Variants in XDH observed in about 807,000 individuals in gnomAD.
The protein encoded by XDH is xanthine dehydrogenase/oxidase.
XDH carries 138 observed loss-of-function variants against 156.1 expected under a neutral mutation model. The ratio of observed to expected loss-of-function variants is 0.88; its 90% CI spans 0.77 to 1.02. The LOEUF (loss-of-function observed/expected upper bound fraction) is 1.02, where lower values mean the gene tolerates loss of function less well. Among genes scored for constraint, XDH ranks in the 50% least tolerant of loss-of-function variants. The probability of loss-of-function intolerance (pLI) is 0.00; values close to 1 mark genes in which losing one functional copy is unlikely to be tolerated. For missense variants in XDH, 1,849 were observed against 1,684.9 expected, an observed-to-expected ratio of 1.10 and a Z score of -1.71; for synonymous variants, 669 against 625.7, an observed-to-expected ratio of 1.07 and a Z score of -1.03.
chr2:31,405,840 G>GT, intron 2 of XDH, 67 bp downstream of exon 2: 1 of 1,581,832 alleles, frequency 6.3e-7, no homozygotes, highest in Non-Finnish European at 8.7e-7. Context: ...AGGAAACAAT[G>GT]TAAGGCCTAC....
rs538961836 is a variant in XDH at position 31,414,172 on chromosome 2, G to A, written c.42+453C>T. ...ATAATATATTAGAATCAAAGGCTGC[G>A]TACATCTTATATCCTGATAAAAGCA... On this transcript the variant is annotated intron_variant, in intron 1 of 35. Transcript: ENST00000379416. Among the ~76,000 whole-genome samples the A allele has an allele frequency of 9.9e-5, 15 of 152,120 alleles. No homozygotes were observed. The South Asian group carries it at 1.9e-3, about 19-fold the overall frequency.
At chr2:31,349,316 T>A (rs1247757665) in intron 26 of XDH, among the ~76,000 whole-genome samples, 1 of 152,196 alleles carries the variant, frequency 6.6e-6, no homozygotes, top group African/African-American at 2.4e-5. Flanking sequence ...TGCCCACTTT[T>A]CACATGATGA....
At chr2:31,391,173 AT>A (rs576658315) in intron 6 of XDH, among the ~76,000 whole-genome samples, 10 of 151,032 alleles carry the variant, frequency 6.6e-5, no homozygotes, top group Non-Finnish European at 8.9e-5. Flanking sequence ...GTTTAGATTC[AT>A]TTTTTTTTGT....
Position 31,350,046 on chromosome 2 carries a change from T to A in XDH, c.2809A>T (p.Met937Leu). ...TCTCAGCTTACCTCCTCTGCAGGCA[T>A]CCCACAGGTCACTGCAACTTCACTC... Reference protein sequence around the residue: ...WMSEVAVTCGMPAEEVRRKNL... With the variant: ...WMSEVAVTCGLPAEEVRRKNL... Residue 937 changes from methionine to leucine, a missense_variant, in exon 25 of 36, where the codon ATG becomes TTG. Met to Leu is a conservative substitution (Grantham distance 15, BLOSUM62 2). Coordinates refer to ENST00000379416, the MANE Select transcript of XDH (RefSeq NM_000379.4). The A allele has an allele frequency of 6.2e-7, 1 of 1,614,106 alleles. No individual in the cohort carries two copies. Among genetic ancestry groups the A allele is most frequent in the Non-Finnish European group, 8.5e-7 (1 of 1,180,036 alleles).
chr2:31,372,413 C>G lies in XDH; in HGVS notation c.1687-16G>C, dbSNP rs763202140. On this transcript the variant is annotated splice_polypyrimidine_tract_variant and intron_variant, in intron 16 of 35. Coordinates refer to ENST00000379416, the MANE Select transcript of XDH (RefSeq NM_000379.4). ...TGGGCACCTCCTGGAATGACAGGGT[C>G]ATCAATCAGGGTGAGCTGCCAAGGA... 3 of 1,613,850 alleles carry G rather than the reference C, an allele frequency of 1.9e-6. No individual in the cohort carries two copies. The highest frequency in any genetic ancestry group is 2.5e-6 in the Non-Finnish European group (3 of 1,180,022).
At chr2:31,384,000 C>T (rs1686513782) in intron 9 of XDH, 153 bp from the exon 10 acceptor site, 2 of 742,226 alleles carry the variant, frequency 2.7e-6, no homozygotes, top group East Asian at 2.7e-5. Context: ...GAATAGGAAA[C>T]TCAGTAGACC....
Position 31,339,478 on chromosome 2 carries a change from A to AG in XDH, c.3774+10dup. Reference sequence around the variant, plus strand: ...ATCAGAAGAGACAGCACAGAGCCAGAGCAATGGTACCTTCGATGCATAGAT... The same window carrying AG: ...ATCAGAAGAGACAGCACAGAGCCAGAGGCAATGGTACCTTCGATGCATAGAT... On this transcript the variant is annotated intron_variant, in intron 34 of 35. Transcript: ENST00000379416. 6.2e-7 allele frequency: 1 copy of AG among 1,613,788 alleles called. No individual in the cohort carries two copies. The highest frequency in any genetic ancestry group is 8.5e-7 in the Non-Finnish European group (1 of 1,180,028).
At position 31,387,872 on chromosome 2, in the gene XDH, T is replaced by G. The variant is rs772456813; in HGVS notation, c.590A>C (p.Lys197Thr). 4 of 1,587,014 alleles carry G rather than the reference T, an allele frequency of 2.5e-6. No homozygotes were observed. In the Admixed American group the frequency reaches 5.5e-5, roughly 22 times the overall value. The change falls in exon 8 of 36, where the codon AAA (lysine) becomes ACA (threonine). Residue 197 changes from lysine to threonine, a missense_variant. Coordinates refer to ENST00000379416, the MANE Select transcript of XDH (RefSeq NM_000379.4). The stretch of plus-strand genomic sequence containing the variant: ...ATCCAGGGGCGTGAACTCCTCTGGT[T>G]TGAATAAAGATGGCGAGAGGCTGAC... Reference protein sequence around the residue: ...HSVSLSPSLFKPEEFTPLDPT... With the variant: ...HSVSLSPSLFTPEEFTPLDPT...
At chr2:31,378,298 T>C (rs1686332801) in intron 13 of XDH, among the ~76,000 whole-genome samples, 1 of 152,144 alleles carries the variant, frequency 6.6e-6, no homozygotes, top group Non-Finnish European at 1.5e-5. Context: ...GCCAGGATCT[T>C]TCTTTAAGGA....
At chr2:31,396,181 C>G (rs1339239263) in intron 6 of XDH, among the ~76,000 whole-genome samples, 1 of 152,234 alleles carries the variant, frequency 6.6e-6, no homozygotes, top group Non-Finnish European at 1.5e-5. Context: ...AGCTCTCAGT[C>G]TTGCTCTGCT....
intron 9 of XDH, 114 bp from the exon 10 acceptor site, chr2:31,383,961 T>C (rs1686512700): frequency 3.2e-6 from 3 of 935,602 alleles, no homozygotes; most frequent in Non-Finnish European, 5.0e-6. Context: ...ACAATCATAA[T>C]ATGCTCTCTG....
chr2:31,345,118 C>T lies in XDH; in HGVS notation c.3352-382G>A, dbSNP rs751363980. Among the ~76,000 whole-genome samples the T allele has an allele frequency of 7.9e-5, 12 of 152,298 alleles. 1 individual carries two copies. The South Asian group carries it at 1.9e-3, about 24-fold the overall frequency. ...AGTCTCTCTGGCATTTTGCAGCACA[C>T]GAGGGCCACCCCAGCCACACTCAAG... On this transcript the variant is annotated intron_variant, in intron 30 of 35. Coordinates refer to ENST00000379416, the MANE Select transcript of XDH (RefSeq NM_000379.4).
At chr2:31,411,653 A>G (rs934063587) in intron 1 of XDH, among the ~76,000 whole-genome samples, 35 of 152,204 alleles carry the variant, frequency 2.3e-4, no homozygotes. Context: ...TCAAAGTTTT[A>G]AAAATTCATC....
At chr2:31,410,166 G>A (rs1340025572) in intron 1 of XDH, among the ~76,000 whole-genome samples, 2 of 152,202 alleles carry the variant, frequency 1.3e-5, no homozygotes, top group Non-Finnish European at 2.9e-5. Context: ...AAGTGAGGTA[G>A]TTTAGTCAAA....
intron 16 of XDH, among the ~76,000 whole-genome samples, chr2:31,372,898 G>A (rs182213910): frequency 4.0e-5 from 6 of 151,860 alleles, no homozygotes; most frequent in African/African-American, 9.7e-5. Context: ...ATTTGCTCTC[G>A]GAGGTGGAAT....
At chr2:31,378,055 G>GAAAGAAAGAAAGA (rs1686298042) in intron 13 of XDH, among the ~76,000 whole-genome samples, 12 of 65,528 alleles carry the variant, frequency 1.8e-4, no homozygotes, top group African/African-American at 7.3e-4. Flanking sequence ...AGAAAGAAAG[G>GAAAGAAAGAAAGA]AAGAAAGAAA....
rs565519173 is a variant in XDH, at chr2:31,378,652, C to T, written c.1242+1215G>A. On this transcript the variant is annotated intron_variant, in intron 13 of 35. Transcript: ENST00000379416. ...CCAGGTGCTCACTCCCAGGACTGTGCCCATCCACGGGGACATTCTCGCTGG... is the reference window on the plus strand; with the variant it reads ...CCAGGTGCTCACTCCCAGGACTGTGTCCATCCACGGGGACATTCTCGCTGG... 4.0e-5 allele frequency among the ~76,000 whole-genome samples: 6 copies of T among 149,708 alleles called. No individual in the cohort carries two copies. In the South Asian group the frequency reaches 1.3e-3, roughly 32 times the overall value.
chr2:31,351,257 T>G (rs767555093), intron 24 of XDH, among the ~76,000 whole-genome samples: 4 of 152,170 alleles, frequency 2.6e-5, no homozygotes, highest in Non-Finnish European at 5.9e-5. Context: ...CTTGATAATA[T>G]TTTTTTCACC....
At position 31,386,273 on chromosome 2, in the gene XDH, C is replaced by T. The variant is rs567538520; in HGVS notation, c.793+141G>A. 3 of 1,164,724 alleles carry T rather than the reference C, an allele frequency of 2.6e-6. No homozygotes were observed. In the East Asian group the frequency reaches 7.6e-5, roughly 30 times the overall value. The allele number at this position is 1,164,724 out of a possible 1,614,324, so 72.1% of individuals were successfully genotyped here. A position where few individuals can be genotyped will look rare whatever the true frequency, so the allele number is the denominator to read the frequency against. ...AGGAACTGGAGTGTCCAGGGATTTC[C>T]AGTGGGCTCCAGGTAGTCAGTGGGG... On this transcript the variant is annotated intron_variant, in intron 9 of 35. Coordinates refer to ENST00000379416, the MANE Select transcript of XDH (RefSeq NM_000379.4).
Sources: gnomAD v4.1 joint callset for allele counts (sites outside exome capture counted in the v4.1 genomes callset) on GRCh38, gnomAD v4.1.1 for gene constraint, MANE v1.5 for transcripts, NCBI Gene and HGNC (gene_info 2026-07-23, HGNC 2026-07-21) for gene names.